RFX8: variants seen among roughly 807,000 people sequenced by gnomAD.
RFX8 encodes the protein DNA-binding protein RFX8.
Under a neutral mutation model 54.6 loss-of-function variants are expected in RFX8, and 46 were observed. The ratio of observed to expected loss-of-function variants is 0.84; its 90% CI spans 0.67 to 1.08. The LOEUF is 1.08. Among genes scored for constraint, RFX8 ranks in the 50% least tolerant of loss-of-function variants. RFX8 has a pLI of 0.00. For missense variants in RFX8, 536 were observed against 562.3 expected, an observed-to-expected ratio of 0.95 and a Z score of 0.47; for synonymous variants, 192 against 209.5, an observed-to-expected ratio of 0.92 and a Z score of 0.72.
chr2:101,432,709 A>G (rs1156356150), intron 2 of RFX8, among the ~76,000 whole-genome samples: 1 of 152,210 alleles, frequency 6.6e-6, no homozygotes, highest in African/African-American at 2.4e-5. Flanking sequence ...AAGCACAGTC[A>G]TTGCTAAAAT....
chr2:101,427,976 G>A (rs776208795), intron 2 of RFX8, among the ~76,000 whole-genome samples: 56 of 151,186 alleles, frequency 3.7e-4, no homozygotes, highest in South Asian at 4.2e-4. Flanking sequence ...TATCCCCCCC[G>A]CCCCCCGCAG....
intron 11 of RFX8, among the ~76,000 whole-genome samples, chr2:101,400,563 A>G (rs1367152616): frequency 6.6e-6 from 1 of 152,120 alleles, no homozygotes; most frequent in African/African-American, 2.4e-5. Context: ...GTTAAGCCCA[A>G]TCTCCCTCCC....
chr2:101,449,845 A>G (rs1282638314), intron 2 of RFX8, among the ~76,000 whole-genome samples: 1 of 152,116 alleles, frequency 6.6e-6, no homozygotes, highest in Non-Finnish European at 1.5e-5. Flanking sequence ...GGAGAGCCTA[A>G]GCTTAATGGA....
At chr2:101,400,344 T>A (rs1685357671) in intron 11 of RFX8, among the ~76,000 whole-genome samples, 2 of 152,202 alleles carry the variant, frequency 1.3e-5, no homozygotes, top group Non-Finnish European at 2.9e-5. Flanking sequence ...CATCTCCATA[T>A]GTGATCAGTT....
rs554437044 is a variant in RFX8 at position 101,452,287 on chromosome 2, T to C, written c.72+14490A>G. 4.0e-4 allele frequency: 260 copies of C among 646,826 alleles called. 4 individuals are homozygous for C. In the South Asian group the frequency reaches 4.7e-3, roughly 12 times the overall value. 40.1% of individuals were successfully genotyped at this position (646,826 alleles called of 1,614,324 possible). ...GACACTCTTTGGTAAGAGTTGTTAT[T>C]TATAGTTTGTTTTGTTTTGCATTTT... On this transcript the variant is annotated intron_variant, in intron 2 of 11. Transcript: ENST00000428343.
intron 2 of RFX8, among the ~76,000 whole-genome samples, chr2:101,432,238 C>A (rs1687524395): frequency 6.6e-6 from 1 of 152,098 alleles, no homozygotes; most frequent in Admixed American, 6.5e-5. Flanking sequence ...GAGGCCTCTG[C>A]AAACAAAGAA....
chr2:101,441,367 A>G (rs1422225322), intron 2 of RFX8, among the ~76,000 whole-genome samples: 2 of 152,106 alleles, frequency 1.3e-5, no homozygotes, highest in African/African-American at 4.8e-5. Flanking sequence ...TTAAGAATTC[A>G]TGGATTCATG....
At chr2:101,407,265 G>A (rs1685792825) in intron 9 of RFX8, among the ~76,000 whole-genome samples, 1 of 152,204 alleles carries the variant, frequency 6.6e-6, no homozygotes. Context: ...TGAGCTTCAG[G>A]GGACGTGAGG....
At chr2:101,463,253 T>C (rs1467815778) in intron 2 of RFX8, among the ~76,000 whole-genome samples, 1 of 152,162 alleles carries the variant, frequency 6.6e-6, no homozygotes, top group Non-Finnish European at 1.5e-5. Context: ...CCCTTAACAC[T>C]AATCCCCCAC....
chr2:101,446,480 ATCAATTATTAAGTATATGC>A (rs372826388), intron 2 of RFX8, among the ~76,000 whole-genome samples: 114,771 of 151,568 alleles, frequency 0.76, 44,385 homozygotes, highest in Middle Eastern at 0.89. Context: ...AGCCAAGTTG[ATCAATTATTAAGTATATGC>A]TGAGCATAGA....
intron 1 of RFX8, among the ~76,000 whole-genome samples, chr2:101,470,372 C>T (rs1689907690): frequency 6.6e-6 from 1 of 152,170 alleles, no homozygotes; most frequent in Non-Finnish European, 1.5e-5. Flanking sequence ...AGCCTGACTT[C>T]CAACCACCTG....
rs962871195 is a variant in RFX8 at position 101,474,853 on chromosome 2, G to C, written c.-270C>G. 6 of 145,756 alleles carry C rather than the reference G, an allele frequency of 4.1e-5. No homozygotes were observed. The highest frequency in any genetic ancestry group is 4.1e-4 in the Admixed American group (6 of 14,674). 9.0% of individuals were successfully genotyped at this position (145,756 alleles called of 1,614,324 possible). A position where few individuals can be genotyped will look rare whatever the true frequency, so the allele number is the denominator to read the frequency against. On this transcript the variant is annotated 5_prime_UTR_variant, in exon 1 of 12. Coordinates refer to ENST00000428343, the MANE Select transcript of RFX8 (RefSeq NM_001145664.2). Reference sequence around the variant, plus strand: ...TCAGGGTCCCGGGTGATGCTAATGTGCCCGCCGTTGCTGAAAACCACTGTC... The same window carrying C: ...TCAGGGTCCCGGGTGATGCTAATGTCCCCGCCGTTGCTGAAAACCACTGTC...
intron 2 of RFX8, among the ~76,000 whole-genome samples, chr2:101,433,888 A>G (rs1573420375): frequency 6.6e-6 from 1 of 152,232 alleles, no homozygotes; most frequent in Non-Finnish European, 1.5e-5. Context: ...TTAAGAGAAG[A>G]TATCTTTGAC....
intron 1 of RFX8, among the ~76,000 whole-genome samples, chr2:101,467,566 A>G (rs1488879246): frequency 6.6e-6 from 1 of 152,220 alleles, no homozygotes; most frequent in Non-Finnish European, 1.5e-5. Context: ...ACAGAGCCAG[A>G]GCAGCACAGA....
intron 1 of RFX8, 184 bp downstream of exon 1, chr2:101,474,452 C>T: frequency 2.8e-6 from 1 of 357,952 alleles, no homozygotes; most frequent in East Asian, 4.2e-5. Context: ...CCCGGGGGCG[C>T]GGAAGGCGCG....
intron 6 of RFX8, 91 bp from the exon 7 acceptor site, chr2:101,415,003 A>G (rs1263276083): frequency 2.8e-5 from 28 of 1,000,924 alleles, no homozygotes; most frequent in Non-Finnish European, 1.5e-6. Flanking sequence ...TTGGGGTAGG[A>G]AGGCACAGCT....
chr2:101,414,712 C>T, intron 7 of RFX8, 142 bp downstream of exon 7: 1 of 587,954 alleles, frequency 1.7e-6, no homozygotes, highest in East Asian at 2.8e-5. Flanking sequence ...ACTCCTCTGC[C>T]AATGGCCAGG....
At chr2:101,419,553 GT>G (rs1686737543) in intron 4 of RFX8, among the ~76,000 whole-genome samples, 1 of 152,138 alleles carries the variant, frequency 6.6e-6, no homozygotes, top group South Asian at 2.1e-4. Context: ...TTCAGTTTCC[GT>G]TCTTTAACCA....
rs1015960674 is a variant in RFX8 at position 101,407,692 on chromosome 2, A to T, written c.814-1635T>A. On this transcript the variant is annotated intron_variant, in intron 9 of 11. Coordinates refer to ENST00000428343, the MANE Select transcript of RFX8 (RefSeq NM_001145664.2). Reference sequence around the variant, plus strand: ...GGGTGACAGAGCAAGACTCCATCTCAATTAAAAAAAAAAACAAAACACAGG... The same window carrying T: ...GGGTGACAGAGCAAGACTCCATCTCTATTAAAAAAAAAAACAAAACACAGG... Among the ~76,000 whole-genome samples, 100 of 151,728 alleles carry T rather than the reference A, an allele frequency of 6.6e-4. 1 individual carries two copies. The highest frequency in any genetic ancestry group is 2.4e-3 in the African/African-American group (97 of 41,158).
Sources: allele counts gnomAD v4.1 joint callset (sites outside exome capture counted in the v4.1 genomes callset), GRCh38; gene constraint gnomAD v4.1.1; transcripts MANE v1.5; gene names NCBI Gene and HGNC (gene_info 2026-07-23, HGNC 2026-07-21).